Variants in SPTBN1 observed in about 807,000 individuals in gnomAD.
The protein encoded by SPTBN1 is spectrin beta, non-erythrocytic 1.
In SPTBN1, 32 loss-of-function variants were observed where a neutral mutation model predicts 266.4. The ratio of observed to expected loss-of-function variants is 0.12; its 90% CI spans 0.09 to 0.16. SPTBN1 has a LOEUF of 0.16. Ranked by LOEUF, SPTBN1 falls within the 10% of genes least tolerant of loss-of-function variation. SPTBN1 has a pLI of 1.00. For missense variants in SPTBN1, 2,296 were observed against 3,067.1 expected, an observed-to-expected ratio of 0.75 and a Z score of 5.94; for synonymous variants, 1,336 against 1,162.2, an observed-to-expected ratio of 1.15 and a Z score of -3.04.
At chr2:54,665,358 A>C (rs1681300497) in intron 33 of SPTBN1, among the ~76,000 whole-genome samples, 1 of 152,224 alleles carries the variant, frequency 6.6e-6, no homozygotes, top group Admixed American at 6.5e-5. Context: ...GGTGTAATAC[A>C]GGCCGGTGTT....
Position 54,646,232 on chromosome 2 carries a change from T to C in SPTBN1, c.4623T>C (p.Ile1541=). Residue 1541 remains isoleucine, a synonymous_variant, in exon 23 of 36, where the codon ATT becomes ATC. Coordinates refer to ENST00000356805, the MANE Select transcript of SPTBN1 (RefSeq NM_003128.3). The surrounding 1 kb of genome is among the most constrained non-coding windows in gnomAD (Gnocchi z 4.4). Reference sequence around the variant, plus strand: ...AAATCCAGGGGCACCAGCCTCGCATTGACGACATCTTTGAGAGGAGCCAAA... The same window carrying C: ...AAATCCAGGGGCACCAGCCTCGCATCGACGACATCTTTGAGAGGAGCCAAA... ...QKEIQGHQPR[I]DDIFERSQNI... is the part of the protein sequence containing the mutation. 6.2e-6 allele frequency: 10 copies of C among 1,613,338 alleles called. No individual in the cohort carries two copies. The highest frequency in any genetic ancestry group is 7.6e-6 in the Non-Finnish European group (9 of 1,179,548).
rs1678537392 is a variant in SPTBN1, at chr2:54,628,882, C to G, written c.1799-51C>G. 5.2e-6 allele frequency: 8 copies of G among 1,533,064 alleles called. No homozygotes were observed. The highest frequency in any genetic ancestry group is 7.0e-6 in the Non-Finnish European group (8 of 1,142,362). 95.0% of individuals were successfully genotyped at this position (1,533,064 alleles called of 1,614,324 possible). ...CTTACTGCCTGCCAGTGAGCCTGCACCCATGCTGAGCTCCCTCACACAGCC... is the reference window on the plus strand; with the variant it reads ...CTTACTGCCTGCCAGTGAGCCTGCAGCCATGCTGAGCTCCCTCACACAGCC... On this transcript the variant is annotated intron_variant, in intron 13 of 35. Coordinates refer to ENST00000356805, the MANE Select transcript of SPTBN1 (RefSeq NM_003128.3). The surrounding 1 kb of genome is among the most constrained non-coding windows in gnomAD (Gnocchi z 4.3).
At position 54,670,459 on chromosome 2, in the gene SPTBN1, C is replaced by T; in HGVS notation, c.*1890C>T. The T allele has an allele frequency of 2.6e-6, 1 of 378,498 alleles. No homozygotes were observed. Among genetic ancestry groups the T allele is most frequent in the Non-Finnish European group, 4.7e-6 (1 of 213,856 alleles). The allele number at this position is 378,498 out of a possible 1,614,324, so 23.4% of individuals were successfully genotyped here. A position where few individuals can be genotyped will look rare whatever the true frequency, so the allele number is the denominator to read the frequency against. On this transcript the variant is annotated 3_prime_UTR_variant, in exon 36 of 36. Coordinates refer to ENST00000356805, the MANE Select transcript of SPTBN1 (RefSeq NM_003128.3). ...CACAGCTGCGTGGCATCAAAGCTTT[C>T]TCTTAACTCTCTTACCTCTAGGCAA...
At chr2:54,577,440 G>A (rs1415272431) in intron 2 of SPTBN1, among the ~76,000 whole-genome samples, 1 of 152,166 alleles carries the variant, frequency 6.6e-6, no homozygotes, top group Non-Finnish European at 1.5e-5. Flanking sequence ...AAGCTACAAA[G>A]GAGAGGGAAA....
At chr2:54,641,699 G>A (rs1679575624) in intron 18 of SPTBN1, among the ~76,000 whole-genome samples, 1 of 144,112 alleles carries the variant, frequency 6.9e-6, no homozygotes, top group Non-Finnish European at 1.5e-5. Context: ...TTCCCTGTGT[G>A]GTGAATAGCC....
Position 54,599,226 on chromosome 2 carries a change from C to G in SPTBN1, c.283C>G (p.Leu95Val). The G allele has an allele frequency of 6.2e-7, 1 of 1,614,170 alleles. No homozygotes were observed. Among genetic ancestry groups the G allele is most frequent in the Non-Finnish European group, 8.5e-7 (1 of 1,180,034 alleles). Residue 95 changes from leucine to valine, a missense_variant, in exon 3 of 36, where the codon CTC (leucine) becomes GTC (valine). Coordinates refer to ENST00000356805, the MANE Select transcript of SPTBN1 (RefSeq NM_003128.3). ...GATGCTCATCAAGCTGCTGGAGGTC[C>G]TCTCTGGAGAGAGGCTGGTGAGTGG... ...GRMLIKLLEV[L>V]SGERLPKPTK...
intron 1 of SPTBN1, among the ~76,000 whole-genome samples, chr2:54,484,396 C>A (rs1006286783): frequency 2.6e-5 from 4 of 152,180 alleles, no homozygotes; most frequent in African/African-American, 9.7e-5. Context: ...AAATTTTAGA[C>A]TTTTTGTTAG....
intron 2 of SPTBN1, among the ~76,000 whole-genome samples, chr2:54,570,072 A>G (rs1234938336): frequency 6.6e-6 from 1 of 150,786 alleles, no homozygotes; most frequent in Admixed American, 6.7e-5. Context: ...TCAAGTTCAT[A>G]AAAGCCTCTG....
chr2:54,667,089 G>T (rs1409702703), intron 34 of SPTBN1, among the ~76,000 whole-genome samples: 1 of 152,186 alleles, frequency 6.6e-6, no homozygotes, highest in African/African-American at 2.4e-5. Flanking sequence ...ACCCTTCCAA[G>T]CCTGGGGACC....
intron 1 of SPTBN1, among the ~76,000 whole-genome samples, chr2:54,509,663 T>C (rs1669749147): frequency 1.3e-5 from 2 of 152,198 alleles, no homozygotes; most frequent in South Asian, 4.1e-4. Flanking sequence ...TGGATTGAGA[T>C]TGGAGTTTAA....
intron 1 of SPTBN1, among the ~76,000 whole-genome samples, chr2:54,512,169 G>A (rs748211506): frequency 1.3e-5 from 2 of 152,178 alleles, no homozygotes; most frequent in Non-Finnish European, 2.9e-5. Context: ...TTGCTTGTCC[G>A]CTGCTCACCT....
intron 2 of SPTBN1, among the ~76,000 whole-genome samples, chr2:54,549,052 G>A (rs908418779): frequency 6.6e-6 from 1 of 152,180 alleles, no homozygotes; most frequent in African/African-American, 2.4e-5. Flanking sequence ...TGTAATCCCA[G>A]CACTTTGGGA....
At chr2:54,522,707 GAA>G (rs1317097851) in intron 1 of SPTBN1, among the ~76,000 whole-genome samples, 1 of 147,744 alleles carries the variant, frequency 6.8e-6, no homozygotes, top group Admixed American at 6.7e-5. Flanking sequence ...GAGAAAGAAA[GAA>G]AGGAAAGAAA....
intron 1 of SPTBN1, among the ~76,000 whole-genome samples, chr2:54,522,063 AT>A (rs1025559864): frequency 1.0e-3 from 142 of 142,556 alleles, no homozygotes; most frequent in Non-Finnish European, 9.7e-4. Context: ...ACAGCTGGCT[AT>A]TTTTTTTTTT....
intron 19 of SPTBN1, among the ~76,000 whole-genome samples, 199 bp downstream of exon 19, chr2:54,643,328 A>G (rs769949863): frequency 5.3e-5 from 8 of 152,202 alleles, no homozygotes; most frequent in Non-Finnish European, 1.2e-4. Context: ...AAACCCAACC[A>G]GTTAGTAGAA....
rs866456257 is a variant in SPTBN1 at position 54,626,145 on chromosome 2, G to A, written c.1555G>A (p.Ala519Thr). Reference sequence around the variant, plus strand: ...GGAATACCTACTGGAACTGCTCAGGGCCCGGAGACAGCGGCTCGAGATGAA... The same window carrying A: ...GGAATACCTACTGGAACTGCTCAGGACCCGGAGACAGCGGCTCGAGATGAA... ...LWEYLLELLR[A>T]RRQRLEMNLG... Residue 519 changes from alanine to threonine, a missense_variant, in exon 12 of 36, where the codon GCC becomes ACC. Coordinates refer to ENST00000356805, the MANE Select transcript of SPTBN1 (RefSeq NM_003128.3). This position sits in a 1 kb window ranked among gnomAD's most constrained non-coding sequence, Gnocchi z 4.7. The A allele has an allele frequency of 6.2e-7, 1 of 1,614,198 alleles. No individual in the cohort carries two copies. The highest frequency in any genetic ancestry group is 1.3e-5 in the African/African-American group (1 of 75,044).
intron 2 of SPTBN1, among the ~76,000 whole-genome samples, chr2:54,582,126 T>C (rs1373491713): frequency 6.6e-6 from 1 of 152,210 alleles, no homozygotes; most frequent in Non-Finnish European, 1.5e-5. Context: ...TTTAAAAACA[T>C]GGCAGTGATA....
chr2:54,637,524 C>CTGG (rs1679233497), intron 17 of SPTBN1, among the ~76,000 whole-genome samples, 189 bp from the exon 18 acceptor site: 1 of 152,166 alleles, frequency 6.6e-6, no homozygotes, highest in Admixed American at 6.5e-5. Context: ...TTGGGTCTCT[C>CTGG]TGGGACCATG....
chr2:54,528,866 T>C (rs1035395104), intron 2 of SPTBN1, among the ~76,000 whole-genome samples: 2 of 151,942 alleles, frequency 1.3e-5, no homozygotes, highest in Non-Finnish European at 2.9e-5. Context: ...GGTTAAATGA[T>C]ACTGGATGGG....
Sources: allele counts gnomAD v4.1 joint callset (sites outside exome capture counted in the v4.1 genomes callset), GRCh38; gene constraint gnomAD v4.1.1; non-coding constraint Gnocchi (gnomAD v3.1); transcripts MANE v1.5; gene names NCBI Gene and HGNC (gene_info 2026-07-23, HGNC 2026-07-21).